The following MDN1 variants were observed in gnomAD, a reference collection of about 807,000 sequenced individuals.
MDN1 encodes the protein midasin.
A neutral mutation model predicts 669.2 loss-of-function variants in MDN1; 266 were observed. The observed-to-expected ratio is 0.40, with a 90% CI of 0.36 to 0.44. The LOEUF (loss-of-function observed/expected upper bound fraction) is 0.44. Among genes scored for constraint, MDN1 ranks in the 20% least tolerant of loss-of-function variants. MDN1 has a pLI of 1.00. For missense variants in MDN1, 5,940 were observed against 6,754.0 expected, an observed-to-expected ratio of 0.88 and a Z score of 4.22; for synonymous variants, 2,385 against 2,457.1, an observed-to-expected ratio of 0.97 and a Z score of 0.87.
intron 31 of MDN1, among the ~76,000 whole-genome samples, chr6:89,741,218 C>T (rs112685676): frequency 7.2e-4 from 109 of 152,260 alleles, no homozygotes; most frequent in African/African-American, 2.3e-3. Flanking sequence ...GGCAATACAG[C>T]AGGATGCTGT....
intron 63 of MDN1, among the ~76,000 whole-genome samples, chr6:89,692,235 A>AT (rs989983915): frequency 1.3e-5 from 2 of 151,584 alleles, no homozygotes; most frequent in African/African-American, 2.4e-5. Context: ...GGCCGCTCTC[A>AT]TTTTTTTTTA....
chr6:89,688,518 C>T (rs935996211), intron 66 of MDN1, 55 bp downstream of exon 66: 36 of 1,517,762 alleles, frequency 2.4e-5, no homozygotes, highest in Non-Finnish European at 2.9e-5. Context: ...GGTGAGGCTG[C>T]ATCCTCATTG....
intron 43 of MDN1, 129 bp from the exon 44 acceptor site, chr6:89,716,938 A>G (rs2273244): frequency 0.17 from 181,393 of 1,047,442 alleles, 16,573 homozygotes; most frequent in East Asian, 0.19. Context: ...AAATAGAAGA[A>G]TGTTTTGCTT....
intron 100 of MDN1, 94 bp downstream of exon 100, chr6:89,646,446 C>A: frequency 1.0e-6 from 1 of 991,428 alleles, no homozygotes; most frequent in South Asian, 1.4e-5. Flanking sequence ...CCTATTAAAA[C>A]ACAGTGACGG....
Position 89,668,266 on chromosome 6 carries a change from C to T in MDN1, c.13957-115G>A, listed in dbSNP as rs577738434. The T allele has an allele frequency of 2.1e-5, 27 of 1,294,302 alleles. No homozygotes were observed. The African/African-American group carries it at 2.7e-4, about 13-fold the overall frequency. 80.2% of individuals were successfully genotyped at this position (1,294,302 alleles called of 1,614,324 possible). On this transcript the variant is annotated intron_variant, in intron 83 of 101. Coordinates refer to ENST00000369393, the MANE Select transcript of MDN1 (RefSeq NM_014611.3). Reference sequence around the variant, plus strand: ...CACATACTGAATTCTTTTTCTAGCTCATTATCTTAAATCCGCTGGAAGTAC... The same window carrying T: ...CACATACTGAATTCTTTTTCTAGCTTATTATCTTAAATCCGCTGGAAGTAC...
In MDN1 at chr6:89,786,555, T is replaced by C. The variant is rs565682750; in HGVS notation, c.1334+1299A>G. Among the ~76,000 whole-genome samples, 15 of 152,182 alleles carry C rather than the reference T, an allele frequency of 9.9e-5. No individual in the cohort carries two copies. The South Asian group carries it at 3.1e-3, about 32-fold the overall frequency. ...CCAGGAGTTTGTGGTTACAGTAAGC[T>C]ACGATCAAGCCACTGCATTCCAGCC... On this transcript the variant is annotated intron_variant, in intron 8 of 101. Transcript: ENST00000369393.
chr6:89,678,049 G>A (rs1811340826), intron 75 of MDN1, among the ~76,000 whole-genome samples: 3 of 152,362 alleles, frequency 2.0e-5, no homozygotes, highest in African/African-American at 7.2e-5. Context: ...TGAGGCGGGT[G>A]GATCACGAGG....
At chr6:89,818,030 C>A (rs1484288136) in intron 1 of MDN1, among the ~76,000 whole-genome samples, 3 of 152,060 alleles carry the variant, frequency 2.0e-5, no homozygotes, top group Non-Finnish European at 2.9e-5. Context: ...AAAAAAAATA[C>A]TTCAGGGCAG....
intron 83 of MDN1, among the ~76,000 whole-genome samples, chr6:89,670,175 T>A (rs1456697345): frequency 1.0e-4 from 8 of 78,980 alleles, no homozygotes; most frequent in South Asian, 5.3e-4. Context: ...TATATATTTT[T>A]TTTTTTTTTT....
chr6:89,780,278 C>G lies in MDN1; in HGVS notation c.1659G>C (p.Trp553Cys). ...CAAAGCTATGGGCAATCCTATTACA[C>G]CAATTCAGCAGATCCCTTTAAAAAA... ...RELSLRDLLN[W>C]CNRIAHSFDS... The change falls in exon 11 of 102, where the codon TGG (tryptophan) becomes TGC (cysteine). Residue 553 changes from tryptophan (W) to cysteine (C), a missense_variant. This residue lies in a region of MDN1 where 1,203 missense variants were observed against 1,268.9 expected (regional missense o/e 0.95). Coordinates refer to ENST00000369393, the MANE Select transcript of MDN1 (RefSeq NM_014611.3). 6.3e-7 allele frequency: 1 copy of G among 1,575,182 alleles called. No individual in the cohort carries two copies. Among genetic ancestry groups the G allele is most frequent in the Non-Finnish European group, 8.6e-7 (1 of 1,163,576 alleles).
In MDN1 at chr6:89,724,159, A is replaced by G. The variant is rs530683990; in HGVS notation, c.5671-540T>C. On this transcript the variant is annotated intron_variant, in intron 38 of 101. Coordinates refer to ENST00000369393, the MANE Select transcript of MDN1 (RefSeq NM_014611.3). ...TTCCATCTCAAAAAAAGAAAAAAAAAAGATACATGTTATTAAAAATTTCCT... is the reference window on the plus strand; with the variant it reads ...TTCCATCTCAAAAAAAGAAAAAAAAGAGATACATGTTATTAAAAATTTCCT... Among the ~76,000 whole-genome samples the G allele has an allele frequency of 2.0e-5, 3 of 152,300 alleles. No homozygotes were observed. In the East Asian group the frequency reaches 5.8e-4, roughly 29 times the overall value.
chr6:89,812,728 T>C lies in MDN1; in HGVS notation c.102+6778A>G, dbSNP rs540621320. On this transcript the variant is annotated intron_variant, in intron 1 of 101. Coordinates refer to ENST00000369393, the MANE Select transcript of MDN1 (RefSeq NM_014611.3). ...AATTAAAAGGATAACCTCAGTGTTA[T>C]TATTTATAATTACATGTATCGGCTG... Among the ~76,000 whole-genome samples the C allele has an allele frequency of 1.8e-4, 27 of 152,124 alleles. No individual in the cohort carries two copies. In the East Asian group the frequency reaches 5.0e-3, roughly 28 times the overall value.
At chr6:89,644,229 C>T (rs756605231) in intron 101 of MDN1, 36 bp from the exon 102 acceptor site, 10 of 1,542,370 alleles carry the variant, frequency 6.5e-6, no homozygotes, top group African/African-American at 5.5e-5. Flanking sequence ...GGGGAGGCAG[C>T]GATTAAACCA....
chr6:89,780,641 CTTTTTTT>C (rs575664748), intron 10 of MDN1, among the ~76,000 whole-genome samples: 34 of 131,210 alleles, frequency 2.6e-4, no homozygotes, highest in African/African-American at 9.2e-4. Flanking sequence ...ATGCCATTTC[CTTTTTTT>C]TTTTTTTTTT....
intron 23 of MDN1, among the ~76,000 whole-genome samples, chr6:89,751,181 G>T (rs1188571159): frequency 6.6e-6 from 1 of 152,104 alleles, no homozygotes; most frequent in East Asian, 1.9e-4. Context: ...GTATTTATCA[G>T]CAAAATAACA....
intron 9 of MDN1, among the ~76,000 whole-genome samples, chr6:89,782,597 C>T (rs965035719): frequency 9.3e-6 from 1 of 107,692 alleles, no homozygotes; most frequent in African/African-American, 3.6e-5. Flanking sequence ...TAAGACCTTT[C>T]CTCAAAAAAT....
intron 73 of MDN1, among the ~76,000 whole-genome samples, chr6:89,682,699 TA>T (rs143107841): frequency 0.023 from 2,212 of 96,318 alleles, 86 homozygotes; most frequent in African/African-American, 0.078. Context: ...GACTCTGTCT[TA>T]AAAAAAAAAA....
intron 10 of MDN1, 22 bp from the exon 11 acceptor site, chr6:89,780,315 G>T: frequency 6.6e-7 from 1 of 1,504,396 alleles, no homozygotes; most frequent in Non-Finnish European, 9.0e-7. Flanking sequence ...AGAAAGAAAA[G>T]AAAAAACAAA....
Position 89,713,225 on chromosome 6 carries a change from G to A in MDN1, c.7141C>T (p.Leu2381=), listed in dbSNP as rs374687545. 2.0e-5 allele frequency: 33 copies of A among 1,613,912 alleles called. No individual in the cohort carries two copies. The highest frequency in any genetic ancestry group is 2.5e-5 in the Non-Finnish European group (30 of 1,179,948). Residue 2381 remains leucine (L), a synonymous_variant, in exon 47 of 102, where the codon CTG becomes TTG. Coordinates refer to ENST00000369393, the MANE Select transcript of MDN1 (RefSeq NM_014611.3). ...TCAGAAAAGGCTCTGTCTAAACTCA[G>A]CCCTCGCTGCAGGTACTGGACAATT... The part of the protein sequence containing the change: ...ILIVQYLQRG[L]SLDRAFSEAC...
Sources: allele counts gnomAD v4.1 joint callset (sites outside exome capture counted in the v4.1 genomes callset), GRCh38; gene constraint gnomAD v4.1.1; regional missense constraint gnomAD v4.1.1; transcripts MANE v1.5; gene names NCBI Gene and HGNC (gene_info 2026-07-23, HGNC 2026-07-21).